The following INPP5D variants were observed in gnomAD, a reference collection of about 807,000 sequenced individuals.
INPP5D encodes phosphatidylinositol 3,4,5-trisphosphate 5-phosphatase 1.
Under a neutral mutation model 122.9 loss-of-function variants are expected in INPP5D, and 33 were observed. The ratio of observed to expected loss-of-function variants is 0.27; its 90% CI spans 0.20 to 0.36. The LOEUF is 0.36. Among genes scored for constraint, INPP5D ranks in the 10% least tolerant of loss-of-function variants. The probability of loss-of-function intolerance (pLI) is 1.00; values close to 1 mark genes in which losing one functional copy is unlikely to be tolerated. For synonymous variants in INPP5D, 584 were observed against 576.2 expected, an observed-to-expected ratio of 1.01 and a Z score of -0.19; for missense variants, 1,053 against 1,412.7, an observed-to-expected ratio of 0.75 and a Z score of 4.08.
intron 2 of INPP5D, among the ~76,000 whole-genome samples, chr2:233,080,995 C>G (rs1179474804): frequency 6.6e-6 from 1 of 152,232 alleles, no homozygotes; most frequent in Non-Finnish European, 1.5e-5. Flanking sequence ...GCTGGCATTG[C>G]TGCCGGCTGC....
rs1266457855 is a variant in INPP5D, at chr2:233,198,317, C to T, written c.2916C>T (p.Pro972=). The T allele has an allele frequency of 6.2e-7, 1 of 1,613,578 alleles. No homozygotes were observed. The highest frequency in any genetic ancestry group is 1.7e-5 in the Admixed American group (1 of 60,018). ...PTPPGQPPIS[P]KKFLPSTANR... ...CTCCCGGCCAGCCGCCCATATCACC[C>T]AAGAAGTTTTTACCCTCAACAGCAA... Residue 972 remains proline (P), a synonymous_variant, in exon 25 of 27, where the codon CCC becomes CCT. Coordinates refer to ENST00000445964, the MANE Select transcript of INPP5D (RefSeq NM_001017915.3).
chr2:233,171,828 C>A (rs960025341), intron 17 of INPP5D, among the ~76,000 whole-genome samples: 1 of 152,150 alleles, frequency 6.6e-6, no homozygotes, highest in Non-Finnish European at 1.5e-5. Flanking sequence ...AATGCCAGGG[C>A]AGGGAAGGAT....
intron 2 of INPP5D, among the ~76,000 whole-genome samples, chr2:233,102,102 G>C (rs1360710562): frequency 6.6e-6 from 1 of 152,148 alleles, no homozygotes; most frequent in African/African-American, 2.4e-5. Flanking sequence ...AAGGAAACTG[G>C]TTTGGTCTCA....
intron 25 of INPP5D, among the ~76,000 whole-genome samples, chr2:233,199,643 CAT>C (rs1251338448): frequency 6.6e-6 from 1 of 152,004 alleles, no homozygotes; most frequent in Non-Finnish European, 1.5e-5. Context: ...TCCTGGCTAA[CAT>C]AGTAAAACCC....
chr2:233,136,519 C>T (rs972790012), intron 5 of INPP5D, among the ~76,000 whole-genome samples: 2 of 151,244 alleles, frequency 1.3e-5, no homozygotes, highest in African/African-American at 4.9e-5. Flanking sequence ...AATGTACAAA[C>T]TGAGTCCAGA....
intron 22 of INPP5D, among the ~76,000 whole-genome samples, chr2:233,192,462 T>A (rs1015558478): frequency 2.6e-5 from 4 of 152,312 alleles, no homozygotes; most frequent in Admixed American, 2.0e-4. Flanking sequence ...ATACCTAGAT[T>A]TTCATACTTA....
At chr2:233,144,974 G>A (rs1693721112) in intron 6 of INPP5D, among the ~76,000 whole-genome samples, 1 of 152,082 alleles carries the variant, frequency 6.6e-6, no homozygotes, top group Non-Finnish European at 1.5e-5. Context: ...GCTATATTGA[G>A]CAAGGGGTGA....
intron 17 of INPP5D, among the ~76,000 whole-genome samples, chr2:233,174,582 A>G (rs897193139): frequency 6.6e-6 from 1 of 152,224 alleles, no homozygotes; most frequent in African/African-American, 2.4e-5. Context: ...ATTTGAGGCC[A>G]GGAGTTTGAG....
At position 233,146,397 on chromosome 2, in the gene INPP5D, T is replaced by C. The variant is rs1180364686; in HGVS notation, c.865T>C (p.Ser289Pro). The C allele has an allele frequency of 2.8e-6, 2 of 704,040 alleles. No homozygotes were observed. Among genetic ancestry groups the C allele is most frequent in the Admixed American group, 2.0e-5 (1 of 49,988 alleles). The allele number at this position is 704,040 out of a possible 1,614,324, so 43.6% of individuals were successfully genotyped here. A position where few individuals can be genotyped will look rare whatever the true frequency, so the allele number is the denominator to read the frequency against. Residue 289 changes from serine (S) to proline (P), a missense_variant, in exon 8 of 27, where the codon TCT becomes CCT. By Grantham distance (74) the Ser-to-Pro change is moderately conservative. Around this residue, in one of 6 missense-constraint regions of INPP5D, gnomAD observed 196 missense variants for 175.6 expected, o/e 1.12. Transcript: ENST00000445964. The stretch of plus-strand genomic sequence containing the variant: ...GGCCTTGCTGCACGAGGGTCCTGAG[T>C]CTCCGCACCGGCCCTCCCTTATCCC... ...VKALLHEGPE[S>P]PHRPSLIPPV...
intron 5 of INPP5D, among the ~76,000 whole-genome samples, chr2:233,138,865 T>C (rs1465832505): frequency 1.3e-5 from 2 of 151,920 alleles, no homozygotes; most frequent in African/African-American, 4.8e-5. Context: ...CCTGCCTCAG[T>C]CTTCCGAGTA....
chr2:233,130,998 T>C, intron 5 of INPP5D: 2 of 453,926 alleles, frequency 4.4e-6, no homozygotes, highest in South Asian at 3.8e-5. Context: ...CTGCAGCCAT[T>C]ACACCTGACA....
intron 21 of INPP5D, among the ~76,000 whole-genome samples, chr2:233,186,386 T>C (rs1386678959): frequency 6.6e-6 from 1 of 152,184 alleles, no homozygotes; most frequent in East Asian, 1.9e-4. Flanking sequence ...CATTGGCTAC[T>C]GATCATACAC....
intron 1 of INPP5D, among the ~76,000 whole-genome samples, chr2:233,064,478 A>G (rs778329656): frequency 2.0e-5 from 3 of 152,236 alleles, no homozygotes; most frequent in Admixed American, 1.3e-4. Context: ...GCTCCGCCTA[A>G]TAACAGCAGG....
chr2:233,111,513 A>G lies in INPP5D; in HGVS notation c.199-10594A>G, dbSNP rs78537077. 2.8e-3 allele frequency among the ~76,000 whole-genome samples: 422 copies of G among 152,270 alleles called. 4 individuals are homozygous for G. Among genetic ancestry groups the G allele is most frequent in the African/African-American group, 9.5e-3 (394 of 41,544 alleles). On this transcript the variant is annotated intron_variant, in intron 2 of 26. Transcript: ENST00000445964. ...TCTTTCATGACCTTGGCATTTTTCA[A>G]TAGAATAGGCTAATAATTTTGTAGA... is the stretch of plus-strand genomic sequence containing the variant.
At position 233,188,647 on chromosome 2, in the gene INPP5D, C is replaced by T. The variant is rs757253237; in HGVS notation, c.2359-1203C>T. ...TGCCATCTCGGCTCACTGCAACCTC[C>T]GCCTCCAAGGTTCAAGCGATTTGCC... On this transcript the variant is annotated intron_variant, in intron 21 of 26. Transcript: ENST00000445964. The surrounding 1 kb of genome is among the most constrained non-coding windows in gnomAD (Gnocchi z 4.7). 2.2e-4 allele frequency among the ~76,000 whole-genome samples: 34 copies of T among 152,170 alleles called. No individual in the cohort carries two copies. Among genetic ancestry groups the T allele is most frequent in the Non-Finnish European group, 4.3e-4 (29 of 68,024 alleles).
chr2:233,204,880 TG>T (rs1300310081), intron 26 of INPP5D, 163 bp downstream of exon 26: 1 of 1,158,860 alleles, frequency 8.6e-7, no homozygotes, highest in Non-Finnish European at 1.1e-6. Context: ...GTGATGGTCC[TG>T]GGAACTGCTC....
At chr2:233,158,097 A>G (rs1259755587) in intron 9 of INPP5D, among the ~76,000 whole-genome samples, 1 of 152,140 alleles carries the variant, frequency 6.6e-6, no homozygotes, top group Admixed American at 6.5e-5. Context: ...TGCTCTGGAC[A>G]GGCCAACTCT....
chr2:233,146,505 G>T (rs1693765109), intron 8 of INPP5D, 67 bp downstream of exon 8: 2 of 701,748 alleles, frequency 2.9e-6, no homozygotes, highest in Non-Finnish European at 2.6e-6. Flanking sequence ...ACATGTTCTT[G>T]TTCCTGTGGA....
rs772662401 is a variant in INPP5D, at chr2:233,122,251, G to A, written c.343G>A (p.Asp115Asn). The change falls in exon 3 of 27, where the codon GAC (aspartate) becomes AAC (asparagine). Residue 115 changes from aspartate (D) to asparagine (N), a missense_variant. Physicochemically the swap from Asp to Asn is conservative, Grantham distance 23. Coordinates refer to ENST00000445964, the MANE Select transcript of INPP5D (RefSeq NM_001017915.3). ...EEDTGDDPEE[D>N]TVESVVSPPE... ...GGACACAGGCGACGACCCTGAGGAG[G>A]ACACAGGTAGGGAGGGAGGGACAGG... is the stretch of plus-strand genomic sequence containing the variant. The A allele has an allele frequency of 1.2e-6, 2 of 1,613,548 alleles. No homozygotes were observed. The highest frequency in any genetic ancestry group is 1.7e-6 in the Non-Finnish European group (2 of 1,179,696).
Sources: allele counts gnomAD v4.1 joint callset (sites outside exome capture counted in the v4.1 genomes callset), GRCh38; gene constraint gnomAD v4.1.1; regional missense constraint gnomAD v4.1.1; non-coding constraint Gnocchi (gnomAD v3.1); transcripts MANE v1.5; gene names NCBI Gene and HGNC (gene_info 2026-07-23, HGNC 2026-07-21).